Variants in PTPRO observed in about 807,000 individuals in gnomAD.
The protein encoded by PTPRO is protein tyrosine phosphatase receptor type O, also known as receptor-type tyrosine-protein phosphatase O.
A neutral mutation model predicts 145.2 loss-of-function variants in PTPRO; 62 were observed. The observed-to-expected ratio is 0.43, with a 90% CI of 0.35 to 0.53. PTPRO has a LOEUF of 0.53. Ranked by LOEUF, PTPRO falls within the 20% of genes least tolerant of loss-of-function variation. The pLI, the probability that PTPRO is intolerant of heterozygous loss-of-function variation, is 0.01. For synonymous variants in PTPRO, 565 were observed against 514.7 expected (o/e 1.10, Z -1.32); for missense variants, 1,345 against 1,482.7 (o/e 0.91, Z 1.53).
At chr12:15,375,368 C>G (rs938057429) in intron 1 of PTPRO, among the ~76,000 whole-genome samples, 14 of 152,044 alleles carry the variant, frequency 9.2e-5, no homozygotes, top group African/African-American at 2.7e-4. Context: ...TTTAATTAAG[C>G]TATTATAAAT....
At chr12:15,504,520 G>C (rs1025805654) in intron 6 of PTPRO, among the ~76,000 whole-genome samples, 5 of 152,156 alleles carry the variant, frequency 3.3e-5, no homozygotes, top group Non-Finnish European at 7.3e-5. Flanking sequence ...AATAAAACTG[G>C]TGGGAAAAGT....
chr12:15,366,190 T>A (rs1218197562), intron 1 of PTPRO, among the ~76,000 whole-genome samples: 2 of 152,224 alleles, frequency 1.3e-5, no homozygotes, highest in Non-Finnish European at 2.9e-5. Context: ...TATTTCCATA[T>A]GGTATCCCTG....
intron 1 of PTPRO, among the ~76,000 whole-genome samples, chr12:15,406,619 G>A (rs987122590): frequency 6.6e-6 from 1 of 152,014 alleles, no homozygotes; most frequent in African/African-American, 2.4e-5. Flanking sequence ...AGGCAATAAT[G>A]CCATAATATG....
At chr12:15,496,142 G>GTTTTTTT (rs71042255) in intron 2 of PTPRO, among the ~76,000 whole-genome samples, 10 of 75,364 alleles carry the variant, frequency 1.3e-4, no homozygotes, top group Non-Finnish European at 1.9e-4. Context: ...TTCTTTTTTT[G>GTTTTTTT]TTTTTTTTTT....
At chr12:15,369,760 A>G (rs1157465054) in intron 1 of PTPRO, among the ~76,000 whole-genome samples, 3 of 152,154 alleles carry the variant, frequency 2.0e-5, no homozygotes, top group East Asian at 1.9e-4. Context: ...ACAACAAAAA[A>G]CGTATTTCTG....
intron 23 of PTPRO, among the ~76,000 whole-genome samples, chr12:15,586,486 G>A (rs1944432271): frequency 2.0e-5 from 3 of 152,226 alleles, no homozygotes; most frequent in Admixed American, 2.0e-4. Flanking sequence ...CAACTATCAA[G>A]AGATAGGTAC....
At position 15,484,075 on chromosome 12, in the gene PTPRO, G is replaced by A. The variant is rs747080437; in HGVS notation, c.177G>A (p.Lys59=). ...GTCCAGCATCTGTGTATGTTGTGAAGATAACTGGTGAATCCAAAAATTATT... is the reference window on the plus strand; with the variant it reads ...GTCCAGCATCTGTGTATGTTGTGAAAATAACTGGTGAATCCAAAAATTATT... ...VISPASVYVV[K]ITGESKNYFF... Residue 59 remains lysine (K), a synonymous_variant, in exon 2 of 27, where the codon AAG becomes AAA. Coordinates refer to ENST00000281171, the MANE Select transcript of PTPRO (RefSeq NM_030667.3). 1.1e-5 allele frequency: 17 copies of A among 1,613,722 alleles called. No individual in the cohort carries two copies. The African/African-American group carries it at 2.1e-4, about 20-fold the overall frequency.
intron 10 of PTPRO, among the ~76,000 whole-genome samples, chr12:15,521,208 A>T (rs892423721): frequency 6.6e-6 from 1 of 151,864 alleles, no homozygotes; most frequent in Admixed American, 6.6e-5. Flanking sequence ...CATCTAGTTT[A>T]CTCTGTTGAA....
At chr12:15,446,978 C>T (rs918638703) in intron 1 of PTPRO, among the ~76,000 whole-genome samples, 3 of 152,038 alleles carry the variant, frequency 2.0e-5, no homozygotes, top group African/African-American at 7.2e-5. Context: ...GACACATCAT[C>T]TAGCCCCCTC....
At chr12:15,400,755 T>C (rs1294010662) in intron 1 of PTPRO, among the ~76,000 whole-genome samples, 3 of 152,242 alleles carry the variant, frequency 2.0e-5, no homozygotes, top group Non-Finnish European at 2.9e-5. Context: ...TCACAAAATA[T>C]AGCCATGAAC....
chr12:15,553,388 G>C (rs1016500879), intron 15 of PTPRO, among the ~76,000 whole-genome samples: 1 of 152,158 alleles, frequency 6.6e-6, no homozygotes, highest in Non-Finnish European at 1.5e-5. Flanking sequence ...AGGTGGGTAG[G>C]CTTCACTGAA....
chr12:15,549,179 G>C lies in PTPRO; in HGVS notation c.2390G>C (p.Ser797Thr). Residue 797 changes from serine to threonine, a missense_variant, in exon 14 of 27, where the codon AGC becomes ACC. Physicochemically the swap from Ser to Thr is moderately conservative, Grantham distance 58 (BLOSUM62 1). Around this residue, in one of 3 missense-constraint regions of PTPRO, gnomAD observed 1,130 missense variants for 1,214.7 expected, o/e 0.93. Transcript: ENST00000281171. ...TAYNCSVTSF[S>T]HDSPSVPTFI... is the part of the protein sequence containing the mutation. Reference sequence around the variant, plus strand: ...TACAATTGTAGTGTCACCAGCTTTAGCCATGACAGCCCCAGTGTCCCTACG... The same window carrying C: ...TACAATTGTAGTGTCACCAGCTTTACCCATGACAGCCCCAGTGTCCCTACG... 1.2e-6 allele frequency: 2 copies of C among 1,610,854 alleles called. No homozygotes were observed. The highest frequency in any genetic ancestry group is 1.7e-6 in the Non-Finnish European group (2 of 1,179,440).
At chr12:15,332,917 C>A (rs531694657) in intron 1 of PTPRO, among the ~76,000 whole-genome samples, 1 of 152,326 alleles carries the variant, frequency 6.6e-6, no homozygotes, top group African/African-American at 2.4e-5. Flanking sequence ...TGCCAACAGA[C>A]CTGATGGCTT....
intron 15 of PTPRO, among the ~76,000 whole-genome samples, chr12:15,553,460 AAG>A (rs1291167856): frequency 6.6e-6 from 1 of 152,224 alleles, no homozygotes; most frequent in Middle Eastern, 3.4e-3. Context: ...TATCTGTGGG[AAG>A]AGTGTGCCCA....
intron 1 of PTPRO, among the ~76,000 whole-genome samples, chr12:15,412,949 T>C (rs917107113): frequency 3.9e-5 from 6 of 152,048 alleles, no homozygotes; most frequent in Admixed American, 3.9e-4. Flanking sequence ...ATGCACACCA[T>C]GCCCAGCTAA....
intron 12 of PTPRO, among the ~76,000 whole-genome samples, chr12:15,529,498 C>G (rs1356145432): frequency 6.7e-6 from 1 of 150,218 alleles, no homozygotes; most frequent in Non-Finnish European, 1.5e-5. Flanking sequence ...AAAAGAAAAG[C>G]TGGGTATGGT....
chr12:15,571,353 T>C (rs1944043837), intron 19 of PTPRO, among the ~76,000 whole-genome samples: 1 of 152,192 alleles, frequency 6.6e-6, no homozygotes, highest in Middle Eastern at 3.2e-3. Flanking sequence ...AGTGGCGCGA[T>C]CTTGGCTCAC....
intron 1 of PTPRO, among the ~76,000 whole-genome samples, chr12:15,449,253 T>G (rs1474140342): frequency 6.6e-6 from 1 of 152,248 alleles, no homozygotes; most frequent in Non-Finnish European, 1.5e-5. Context: ...GGCTGAAGTA[T>G]GGCCACTGGG....
In PTPRO at chr12:15,589,597, A is replaced by G. The variant is rs1293452319; in HGVS notation, c.3546+7A>G. The G allele has an allele frequency of 6.2e-7, 1 of 1,613,868 alleles. No homozygotes were observed. The highest frequency in any genetic ancestry group is 8.5e-7 in the Non-Finnish European group (1 of 1,179,908). Reference sequence around the variant, plus strand: ...GTCTATGGTACAGACAGAGGTAGGAACATAATCTATATGTATTTTTAAATT... The same window carrying G: ...GTCTATGGTACAGACAGAGGTAGGAGCATAATCTATATGTATTTTTAAATT... On this transcript the variant is annotated splice_region_variant and intron_variant, in intron 25 of 26. Transcript: ENST00000281171.
Sources: gnomAD v4.1 joint callset for allele counts (sites outside exome capture counted in the v4.1 genomes callset) on GRCh38, gnomAD v4.1.1 for gene constraint, gnomAD v4.1.1 regional missense constraint, MANE v1.5 for transcripts, NCBI Gene and HGNC (gene_info 2026-07-23, HGNC 2026-07-21) for gene names.